Variants in DYSF observed in about 807,000 individuals in gnomAD.
The protein encoded by DYSF is dysferlin.
In DYSF, 212 loss-of-function variants were observed where a neutral mutation model predicts 274.9. The ratio of observed to expected loss-of-function variants is 0.77; its 90% CI spans 0.69 to 0.86. The LOEUF (loss-of-function observed/expected upper bound fraction) is 0.86, where lower values mean the gene tolerates loss of function less well. Ranked by LOEUF, DYSF falls within the 40% of genes least tolerant of loss-of-function variation. The pLI, the probability that DYSF is intolerant of heterozygous loss-of-function variation, is 0.00. For missense variants in DYSF, 2,666 were observed against 2,783.2 expected (o/e 0.96, Z 0.95); for synonymous variants, 1,091 against 1,078.7 (o/e 1.01, Z -0.22).
rs1365161218 is a variant in DYSF, at chr2:71,590,559, T to C, written c.3574+271T>C. Among the ~76,000 whole-genome samples, 5 of 152,262 alleles carry C rather than the reference T, an allele frequency of 3.3e-5. No individual in the cohort carries two copies. The East Asian group carries it at 9.7e-4, about 29-fold the overall frequency. ...TAGCCGCCAGTCTCTGGAGGGTCCC[T>C]GCAGCCTCCTCCCTGACCTGCTCCT... On this transcript the variant is annotated intron_variant, in intron 32 of 55. Transcript: ENST00000410020.
chr2:71,534,775 C>T (rs1396243469), intron 14 of DYSF, among the ~76,000 whole-genome samples: 1 of 152,116 alleles, frequency 6.6e-6, no homozygotes, highest in Non-Finnish European at 1.5e-5. Context: ...AGGGCTGTGG[C>T]ATTCAGACAG....
At chr2:71,611,099 C>T in intron 36 of DYSF, 146 bp from the exon 37 acceptor site, 1 of 725,546 alleles carries the variant, frequency 1.4e-6, no homozygotes, top group Admixed American at 2.1e-5. Flanking sequence ...TTCGTTTCTG[C>T]CTCCCTGTTT....
At chr2:71,661,132 A>AAAAAAG (rs2094873189) in intron 45 of DYSF, among the ~76,000 whole-genome samples, 1 of 151,314 alleles carries the variant, frequency 6.6e-6, no homozygotes, top group African/African-American at 2.4e-5. Flanking sequence ...AAAAAAAAAA[A>AAAAAAG]AAAAAGAAAG....
At chr2:71,480,848 GT>G (rs1443838504) in intron 1 of DYSF, 34 bp from the exon 2 acceptor site, 1 of 1,599,546 alleles carries the variant, frequency 6.3e-7, no homozygotes. Context: ...AAGGCGGGAT[GT>G]GTCTCTCCAT....
intron 9 of DYSF, 120 bp from the exon 10 acceptor site, chr2:71,516,869 T>A (rs2152736489): frequency 2.2e-6 from 2 of 919,950 alleles, no homozygotes; most frequent in South Asian, 2.6e-5. Context: ...TAGAACAGTC[T>A]CTGGAATTGA....
chr2:71,684,088 G>A (rs1057037895), intron 55 of DYSF, among the ~76,000 whole-genome samples: 5 of 152,182 alleles, frequency 3.3e-5, no homozygotes, highest in Non-Finnish European at 5.9e-5. Context: ...CACCTGAGGC[G>A]CAATGGAGAA....
rs863225020 is a variant in DYSF, at chr2:71,481,896, C to CA, written c.167dup (p.Ile58HisfsTer8). 1 of 1,614,150 alleles carries CA rather than the reference C, an allele frequency of 6.2e-7. No individual in the cohort carries two copies. Among genetic ancestry groups the CA allele is most frequent in the Middle Eastern group, 1.7e-4 (1 of 6,060 alleles). ...TCTTCCAGGGATTTGAATGGGACCT[C>CA]AAGGGCATCCCCCTGGACCAGGGCT... On this transcript the variant is annotated frameshift_variant, in exon 3 of 56. Coordinates refer to ENST00000410020, the MANE Select transcript of DYSF (RefSeq NM_001130987.2). LOFTEE classifies it high-confidence loss of function.
intron 16 of DYSF, 96 bp downstream of exon 16, chr2:71,535,407 T>A: frequency 7.7e-7 from 1 of 1,306,372 alleles, no homozygotes; most frequent in Non-Finnish European, 1.1e-6. Flanking sequence ...AGTAAGAGTG[T>A]GAGGGAGAAG....
At chr2:71,678,524 G>A (rs765883256) in intron 52 of DYSF, among the ~76,000 whole-genome samples, 5 of 152,168 alleles carry the variant, frequency 3.3e-5, no homozygotes, top group Non-Finnish European at 7.3e-5. Flanking sequence ...TTACTGGGGC[G>A]AAGGGGAGGG....
intron 29 of DYSF, among the ~76,000 whole-genome samples, chr2:71,571,556 G>A (rs920607409): frequency 0.016 from 559 of 34,406 alleles, no homozygotes; most frequent in Middle Eastern, 0.043. Flanking sequence ...CCCAGCACAC[G>A]CACAGATCAC....
rs1415518551 is a variant in DYSF, at chr2:71,647,998, C to A, written c.4626+3935C>A. ...CAGAGGTGGAGCTACACAAGAATTA[C>A]ACAAATGAGCCATATTTGCAGGAAG... On this transcript the variant is annotated intron_variant, in intron 42 of 55. Transcript: ENST00000410020. 5.3e-5 allele frequency among the ~76,000 whole-genome samples: 8 copies of A among 152,302 alleles called. No individual in the cohort carries two copies. In the South Asian group the frequency reaches 1.0e-3, roughly 20 times the overall value.
chr2:71,535,963 G>A (rs142925804), intron 16 of DYSF, among the ~76,000 whole-genome samples: 7 of 152,316 alleles, frequency 4.6e-5, no homozygotes, highest in African/African-American at 1.2e-4. Context: ...GAGAAGGCAG[G>A]TTGGGAAAGA....
At chr2:71,618,456 T>TGTGTGTGGTAGGGGG in intron 40 of DYSF, among the ~76,000 whole-genome samples, 1 of 77,040 alleles carries the variant, frequency 1.3e-5, no homozygotes, top group Non-Finnish European at 2.5e-5. Flanking sequence ...AGAGGTGGGG[T>TGTGTGTGGTAGGGGG]TGTGTGTGTG....
At chr2:71,570,966 ACACACAGATCACACCCAG>A (rs2092387158) in intron 29 of DYSF, 5 of 617,654 alleles carry the variant, frequency 8.1e-6, no homozygotes, top group South Asian at 1.9e-5. Flanking sequence ...CACCCAGCAT[ACACACAGATCACACCCAG>A]CACACAGATC....
chr2:71,551,005 G>A (rs1427923142), intron 17 of DYSF, 36 bp from the exon 18 acceptor site: 3 of 1,599,088 alleles, frequency 1.9e-6, no homozygotes, highest in Admixed American at 3.3e-5. Flanking sequence ...AAGCCCCACT[G>A]GGCCGACCCC....
chr2:71,595,402 C>T (rs894675105), intron 32 of DYSF, among the ~76,000 whole-genome samples: 5 of 152,276 alleles, frequency 3.3e-5, no homozygotes, highest in East Asian at 1.9e-4. Context: ...CTAGTACATA[C>T]GATCATGGCC....
intron 13 of DYSF, 149 bp downstream of exon 13, chr2:71,526,495 G>T (rs962705866): frequency 4.1e-5 from 49 of 1,198,084 alleles, no homozygotes; most frequent in Non-Finnish European, 4.7e-5. Context: ...AGTAATCAGT[G>T]CTGGTGGAGT....
chr2:71,571,857 C>CA (rs2092490291), intron 29 of DYSF, among the ~76,000 whole-genome samples: 3 of 111,506 alleles, frequency 2.7e-5, no homozygotes, highest in Admixed American at 9.3e-5. Flanking sequence ...ATCACACCCA[C>CA]CACACACAGA....
At chr2:71,623,496 T>C (rs2094148251) in intron 41 of DYSF, among the ~76,000 whole-genome samples, 1 of 152,200 alleles carries the variant, frequency 6.6e-6, no homozygotes, top group Non-Finnish European at 1.5e-5. Flanking sequence ...ATTTTGTTTT[T>C]AACCATGTCC....
Sources: allele counts gnomAD v4.1 joint callset (sites outside exome capture counted in the v4.1 genomes callset), GRCh38; gene constraint gnomAD v4.1.1; transcripts MANE v1.5; gene names NCBI Gene and HGNC (gene_info 2026-07-23, HGNC 2026-07-21).